Variants in ANTXR1 observed in about 807,000 individuals in gnomAD.
ANTXR1 encodes the protein ANTXR cell adhesion molecule 1.
A neutral mutation model predicts 78.1 loss-of-function variants in ANTXR1; 19 were observed. That is an observed-to-expected ratio of 0.24 (90% CI 0.17 to 0.36). The LOEUF is 0.36. ANTXR1 is among the 10% of genes least tolerant of loss of function. The pLI, the probability that ANTXR1 is intolerant of heterozygous loss-of-function variation, is 1.00. For missense variants in ANTXR1, 518 were observed against 718.6 expected (o/e 0.72, Z 3.19); for synonymous variants, 273 against 260.5 (o/e 1.05, Z -0.46).
intron 12 of ANTXR1, among the ~76,000 whole-genome samples, chr2:69,137,074 G>A (rs1249489865): frequency 1.3e-5 from 2 of 152,100 alleles, no homozygotes; most frequent in South Asian, 2.1e-4. Context: ...TGTAAAATGT[G>A]TACATTTTAT....
rs771712191 is a variant in ANTXR1 at position 69,040,077 on chromosome 2, C to T, written c.186C>T (p.Ile62=). The change falls in exon 2 of 18, where the codon ATC becomes ATT. Residue 62 remains isoleucine, a synonymous_variant. Transcript: ENST00000303714. ...SGSVLHHWNE[I]YYFVEQLAHK... is the part of the protein sequence containing the mutation. ...GTGTGCTGCACCACTGGAATGAAAT[C>T]TATTACTTTGTGGAACAGTTGGCTC... 3.7e-6 allele frequency: 6 copies of T among 1,613,352 alleles called. No individual in the cohort carries two copies. In the Admixed American group the frequency reaches 1.0e-4, roughly 27 times the overall value.
intron 8 of ANTXR1, among the ~76,000 whole-genome samples, chr2:69,089,734 A>G (rs111947538): frequency 6.6e-6 from 1 of 152,228 alleles, no homozygotes; most frequent in Non-Finnish European, 1.5e-5. Context: ...TTTAAATTTT[A>G]TAATCATATC....
chr2:69,185,501 T>C (rs1012364417), intron 16 of ANTXR1, among the ~76,000 whole-genome samples: 3 of 150,774 alleles, frequency 2.0e-5, no homozygotes, highest in Non-Finnish European at 4.4e-5. Context: ...GACTGTGCCA[T>C]TGCACTCCAG....
intron 17 of ANTXR1, among the ~76,000 whole-genome samples, chr2:69,234,566 C>T (rs571081217): frequency 4.5e-4 from 69 of 152,136 alleles, no homozygotes; most frequent in Non-Finnish European, 8.5e-4. Context: ...GTCAGGAGTT[C>T]GAGACCAGCC....
At chr2:69,077,753 G>A (rs189194291) in intron 8 of ANTXR1, among the ~76,000 whole-genome samples, 30 of 152,296 alleles carry the variant, frequency 2.0e-4, no homozygotes, top group East Asian at 5.8e-4. Flanking sequence ...GGCCCTCTCC[G>A]TTCTCCTAAC....
At chr2:69,071,870 T>C in intron 5 of ANTXR1, 83 bp downstream of exon 5, 1 of 1,265,702 alleles carries the variant, frequency 7.9e-7, no homozygotes, top group South Asian at 1.2e-5. Flanking sequence ...AGTCATTTCA[T>C]GTTTCAAAAG....
At chr2:69,087,595 A>T (rs1243422073) in intron 8 of ANTXR1, among the ~76,000 whole-genome samples, 1 of 152,200 alleles carries the variant, frequency 6.6e-6, no homozygotes, top group Non-Finnish European at 1.5e-5. Context: ...TACTTGAGGC[A>T]TGCAGTTATC....
rs1669716633 is a variant in ANTXR1 at position 69,044,831 on chromosome 2, C to T, written c.296+18C>T. 3.1e-6 allele frequency: 5 copies of T among 1,612,622 alleles called. No individual in the cohort carries two copies. In the East Asian group the frequency reaches 8.9e-5, roughly 29 times the overall value. On this transcript the variant is annotated intron_variant, in intron 3 of 17. Coordinates refer to ENST00000303714, the MANE Select transcript of ANTXR1 (RefSeq NM_032208.3). ...GAAGACAGGTAAGGATACTTCTTAT[C>T]TCTGTTGTTAAAAAGTCCATCACTT...
Position 69,146,130 on chromosome 2 carries a change from G to A in ANTXR1, c.952-6039G>A, listed in dbSNP as rs140553327. 4.4e-5 allele frequency: 43 copies of A among 985,426 alleles called. No homozygotes were observed. The East Asian group carries it at 1.2e-3, about 29-fold the overall frequency. 61.0% of individuals were successfully genotyped at this position (985,426 alleles called of 1,614,324 possible). On this transcript the variant is annotated intron_variant, in intron 12 of 17. Transcript: ENST00000303714. ...GCGGGGCTGAGCTTGTCCTGCCTTC[G>A]TATTGAATGTTGCCTGTCTGCCTCC...
At chr2:69,083,266 C>T (rs1670950057) in intron 8 of ANTXR1, among the ~76,000 whole-genome samples, 1 of 152,234 alleles carries the variant, frequency 6.6e-6, no homozygotes. Flanking sequence ...TGGAAAGTGT[C>T]TGCCTTATTG....
chr2:69,061,105 C>T (rs1413604183), intron 3 of ANTXR1, among the ~76,000 whole-genome samples: 1 of 152,240 alleles, frequency 6.6e-6, no homozygotes, highest in East Asian at 1.9e-4. Flanking sequence ...TCCTAGAAAG[C>T]TCAAAACCTG....
At chr2:69,234,301 C>T (rs1487068004) in intron 17 of ANTXR1, among the ~76,000 whole-genome samples, 1 of 152,148 alleles carries the variant, frequency 6.6e-6, no homozygotes, top group African/African-American at 2.4e-5. Context: ...ATAAGGCTGG[C>T]ATTAAATTAG....
chr2:69,036,845 G>C (rs1394315956), intron 1 of ANTXR1, among the ~76,000 whole-genome samples: 1 of 152,166 alleles, frequency 6.6e-6, no homozygotes, highest in East Asian at 1.9e-4. Flanking sequence ...TCACCACCCA[G>C]GACCCCCAGG....
At chr2:69,146,123 T>C in intron 12 of ANTXR1, 1 of 985,496 alleles carries the variant, frequency 1.0e-6, no homozygotes, top group Non-Finnish European at 1.2e-6. Flanking sequence ...GAGCTTGTCC[T>C]GCCTTCGTAT....
At chr2:69,232,406 C>T (rs1278363202) in intron 17 of ANTXR1, among the ~76,000 whole-genome samples, 2 of 150,286 alleles carry the variant, frequency 1.3e-5, no homozygotes, top group African/African-American at 4.9e-5. Context: ...TAAAAATCTA[C>T]AATTTAGCAA....
chr2:69,033,078 T>C (rs1257281128), intron 1 of ANTXR1, among the ~76,000 whole-genome samples: 1 of 152,178 alleles, frequency 6.6e-6, no homozygotes, highest in East Asian at 1.9e-4. Context: ...TAGGCATCAG[T>C]TAGATATACT....
chr2:69,029,047 C>A (rs1671441917), intron 1 of ANTXR1, among the ~76,000 whole-genome samples: 1 of 148,522 alleles, frequency 6.7e-6, no homozygotes, highest in Non-Finnish European at 1.5e-5. Context: ...TGAGACCCCC[C>A]CCCCTCCATC....
chr2:69,152,708 T>C (rs988064797), intron 13 of ANTXR1, among the ~76,000 whole-genome samples: 1 of 152,236 alleles, frequency 6.6e-6, no homozygotes, highest in Admixed American at 6.5e-5. Context: ...AGAAAGTGTC[T>C]CTGGCCTGAC....
chr2:69,233,479 A>C (rs918300818), intron 17 of ANTXR1, among the ~76,000 whole-genome samples: 1 of 151,904 alleles, frequency 6.6e-6, no homozygotes, highest in African/African-American at 2.4e-5. Context: ...GGAAAAATAT[A>C]ATGATCTTGA....
Sources: allele counts gnomAD v4.1 joint callset (sites outside exome capture counted in the v4.1 genomes callset), GRCh38; gene constraint gnomAD v4.1.1; transcripts MANE v1.5; gene names NCBI Gene and HGNC (gene_info 2026-07-23, HGNC 2026-07-21).